The following FRMD6 variants were observed in gnomAD, a reference collection of about 807,000 sequenced individuals.
The protein encoded by FRMD6 is FERM domain containing 6, also known as FERM domain-containing protein 6.
Under a neutral mutation model 73.2 loss-of-function variants are expected in FRMD6, and 37 were observed. The observed-to-expected ratio is 0.51, with a 90% CI of 0.39 to 0.66. The LOEUF (loss-of-function observed/expected upper bound fraction) is 0.66. Among genes scored for constraint, FRMD6 ranks in the 30% least tolerant of loss-of-function variants. FRMD6 has a pLI of 0.00. For synonymous variants in FRMD6, 273 were observed against 282.2 expected, an observed-to-expected ratio of 0.97 and a Z score of 0.33; for missense variants, 714 against 780.5, an observed-to-expected ratio of 0.91 and a Z score of 1.02.
chr14:51,560,850 G>C (rs973552426), intron 1 of FRMD6, among the ~76,000 whole-genome samples: 4 of 152,014 alleles, frequency 2.6e-5, no homozygotes, highest in African/African-American at 9.7e-5. Flanking sequence ...ACCATGACCT[G>C]TTCACCCACA....
the FRMD6 span, among the ~76,000 whole-genome samples, chr14:51,412,286 C>T: frequency 2.6e-5 from 4 of 152,016 alleles, no homozygotes; most frequent in Non-Finnish European, 5.9e-5. Flanking sequence ...GAAAGTATAG[C>T]GATTCTGTGG....
intron 1 of FRMD6, among the ~76,000 whole-genome samples, chr14:51,567,648 C>CT (rs1887848292): frequency 6.6e-6 from 1 of 152,224 alleles, no homozygotes; most frequent in Non-Finnish European, 1.5e-5. Flanking sequence ...TCCCACCCAT[C>CT]TTTTTGTAGA....
chr14:51,453,148 G>A, the FRMD6 span, among the ~76,000 whole-genome samples: 1 of 133,814 alleles, frequency 7.5e-6, no homozygotes, highest in Admixed American at 7.4e-5. Flanking sequence ...GGAAAAGCTG[G>A]TAAAAAAAAA....
At chr14:51,472,649 G>C in the FRMD6 span, among the ~76,000 whole-genome samples, 1 of 151,928 alleles carries the variant, frequency 6.6e-6, no homozygotes, top group Non-Finnish European at 1.5e-5. Context: ...TATTCAAGGA[G>C]AACCAACAGG....
exon 1 of FRMD6, chr14:51,489,201 C>T (rs1159831591): frequency 6.6e-6 from 1 of 152,236 alleles, no homozygotes; most frequent in Non-Finnish European, 1.5e-5. Context: ...AATCTCAATC[C>T]CTTTCTCTCC....
intron 3 of FRMD6, 30 bp from the exon 4 acceptor site, chr14:51,701,026 G>A: frequency 1.8e-6 from 2 of 1,083,064 alleles, no homozygotes; most frequent in Non-Finnish European, 2.6e-6. Flanking sequence ...CCTTTCTTTA[G>A]CATGTCGTCT....
chr14:51,467,274 G>A, the FRMD6 span, among the ~76,000 whole-genome samples: 29 of 152,204 alleles, frequency 1.9e-4, no homozygotes, highest in Non-Finnish European at 2.8e-4. Context: ...CAGAGAGCAC[G>A]GGGTTGGGGG....
intron 2 of FRMD6, among the ~76,000 whole-genome samples, chr14:51,621,410 G>T (rs1485207124): frequency 6.6e-6 from 1 of 152,188 alleles, no homozygotes; most frequent in Non-Finnish European, 1.5e-5. Flanking sequence ...CCAAGGGCAA[G>T]TTATTGCCCA....
the FRMD6 span, among the ~76,000 whole-genome samples, chr14:51,474,581 C>T: frequency 4.6e-5 from 7 of 152,082 alleles, no homozygotes; most frequent in African/African-American, 1.4e-4. Flanking sequence ...AGAATTCTCC[C>T]AGGTAGAAGA....
the FRMD6 span, among the ~76,000 whole-genome samples, chr14:51,472,764 C>T: frequency 6.6e-6 from 1 of 152,326 alleles, no homozygotes; most frequent in Non-Finnish European, 1.5e-5. Flanking sequence ...TCCCCTCACC[C>T]AGATTTCTGG....
chr14:51,718,107 A>G (rs1897333185), intron 10 of FRMD6, among the ~76,000 whole-genome samples: 1 of 152,170 alleles, frequency 6.6e-6, no homozygotes, highest in African/African-American at 2.4e-5. Flanking sequence ...TGCATTTTAC[A>G]TTTCTTAGAA....
chr14:51,463,541 A>G, the FRMD6 span, among the ~76,000 whole-genome samples: 1 of 152,244 alleles, frequency 6.6e-6, no homozygotes, highest in Admixed American at 6.5e-5. Context: ...GTAAATGCCC[A>G]GAACATATCC....
At chr14:51,593,881 A>G (rs757495529) in intron 2 of FRMD6, among the ~76,000 whole-genome samples, 95 of 152,188 alleles carry the variant, frequency 6.2e-4, no homozygotes, top group South Asian at 1.4e-3. Context: ...ATGTATATAT[A>G]TATGAACCAC....
At chr14:51,397,711 C>T in the FRMD6 span, among the ~76,000 whole-genome samples, 3 of 152,142 alleles carry the variant, frequency 2.0e-5, no homozygotes, top group Admixed American at 6.5e-5. Flanking sequence ...GCACTGACAT[C>T]GCGCCACATG....
intron 1 of FRMD6, among the ~76,000 whole-genome samples, chr14:51,565,858 T>C (rs1428688745): frequency 6.6e-6 from 1 of 152,114 alleles, no homozygotes; most frequent in African/African-American, 2.4e-5. Flanking sequence ...TTCACAGAGC[T>C]GTTTATTAAA....
intron 1 of FRMD6, among the ~76,000 whole-genome samples, chr14:51,523,525 T>C (rs903381805): frequency 1.3e-5 from 2 of 152,220 alleles, no homozygotes; most frequent in African/African-American, 4.8e-5. Context: ...CCCATGCAAG[T>C]GATGCCTTGC....
upstream of FRMD6, among the ~76,000 whole-genome samples, chr14:51,648,707 T>G (rs897484710): frequency 3.2e-4 from 48 of 152,196 alleles, 1 homozygote; most frequent in African/African-American, 1.1e-3. Flanking sequence ...TTAACTCACG[T>G]GTCTGTTCCC....
intron 1 of FRMD6, among the ~76,000 whole-genome samples, chr14:51,689,141 C>T (rs1739542784): frequency 1.3e-5 from 2 of 152,084 alleles, no homozygotes; most frequent in Admixed American, 1.3e-4. Flanking sequence ...GGCTTAGCAA[C>T]CAGGATAAAT....
At position 51,704,796 on chromosome 14, in the gene FRMD6, T is replaced by G. The variant is rs1313421048; in HGVS notation, c.419T>G (p.Val140Gly). 6.2e-7 allele frequency: 1 copy of G among 1,613,144 alleles called. No individual in the cohort carries two copies. The highest frequency in any genetic ancestry group is 8.5e-7 in the Non-Finnish European group (1 of 1,179,492). Residue 140 changes from valine (V) to glycine (G), a missense_variant, in exon 6 of 14, where the codon GTT (valine) becomes GGT (glycine). Physicochemically the swap from Val to Gly is moderately radical, Grantham distance 109 (BLOSUM62 -3). Coordinates refer to ENST00000344768, the MANE Select transcript of FRMD6 (RefSeq NM_001267046.2). The stretch of plus-strand genomic sequence containing the variant: ...TATTACTGGCACCTGAGAAAACAAG[T>G]TCTTCATTCTCAGTGTGTGCTCCGA... ...YYYYWHLRKQ[V>G]LHSQCVLREE...
Sources: gnomAD v4.1 joint callset for allele counts (sites outside exome capture counted in the v4.1 genomes callset) on GRCh38, gnomAD v4.1.1 for gene constraint, MANE v1.5 for transcripts, NCBI Gene and HGNC (gene_info 2026-07-23, HGNC 2026-07-21) for gene names.